LPP: variants seen among roughly 807,000 people sequenced by gnomAD.
The protein encoded by LPP is LIM domain containing preferred translocation partner in lipoma, also known as lipoma-preferred partner.
A neutral mutation model predicts 60.4 loss-of-function variants in LPP; 38 were observed. That is an observed-to-expected ratio of 0.63 (90% confidence interval 0.49 to 0.83). LPP has a LOEUF of 0.83. Among genes scored for constraint, LPP ranks in the 40% least tolerant of loss-of-function variants. The probability of loss-of-function intolerance (pLI) is 0.00; values close to 1 mark genes in which losing one functional copy is unlikely to be tolerated. For missense variants in LPP, 902 were observed against 783.6 expected (o/e 1.15, Z -1.80); for synonymous variants, 328 against 290.8 (o/e 1.13, Z -1.30).
At chr3:188,385,375 T>C (rs114687570) in intron 3 of LPP, among the ~76,000 whole-genome samples, 5 of 152,284 alleles carry the variant, frequency 3.3e-5, no homozygotes, top group African/African-American at 9.6e-5. Flanking sequence ...GGTTCATTTG[T>C]TCCTTCCTCG....
chr3:188,248,494 A>ATATATATATATATATATATATG (rs1371178264), intron 2 of LPP, among the ~76,000 whole-genome samples: 15 of 139,816 alleles, frequency 1.1e-4, no homozygotes, highest in African/African-American at 2.2e-4. Context: ...ATATATATAT[A>ATATATATATATATATATATATG]TATACAGTCA....
intron 9 of LPP, among the ~76,000 whole-genome samples, chr3:188,840,681 A>G (rs1052866341): frequency 5.9e-5 from 9 of 152,180 alleles, no homozygotes; most frequent in South Asian, 2.1e-4. Flanking sequence ...TTTTAATTTT[A>G]TATAGATGGG....
chr3:188,772,228 T>C (rs1428104641), intron 9 of LPP, among the ~76,000 whole-genome samples: 10 of 152,244 alleles, frequency 6.6e-5, no homozygotes, highest in Admixed American at 6.5e-4. Context: ...GACATTGATA[T>C]GGAGGTTTCT....
intron 7 of LPP, among the ~76,000 whole-genome samples, chr3:188,646,513 G>C (rs1259365564): frequency 1.3e-5 from 2 of 152,170 alleles, no homozygotes; most frequent in Admixed American, 6.5e-5. Context: ...TTTGTTATCT[G>C]TTTTACTAAT....
intron 2 of LPP, among the ~76,000 whole-genome samples, chr3:188,228,632 C>G (rs1718705403): frequency 6.6e-6 from 1 of 152,140 alleles, no homozygotes; most frequent in African/African-American, 2.4e-5. Context: ...ACTAAACAAA[C>G]AAAATCCCAA....
intron 6 of LPP, among the ~76,000 whole-genome samples, chr3:188,538,525 A>C (rs1363562100): frequency 6.6e-6 from 1 of 152,226 alleles, no homozygotes; most frequent in African/African-American, 2.4e-5. Flanking sequence ...GCTATAATAA[A>C]AAAAGACAAC....
chr3:188,418,689 A>T (rs959531232), intron 4 of LPP, among the ~76,000 whole-genome samples: 1 of 152,310 alleles, frequency 6.6e-6, no homozygotes, highest in Middle Eastern at 3.4e-3. Flanking sequence ...GCTTAAAATC[A>T]ATCTCCTGTG....
chr3:188,235,932 G>A (rs1721743658), intron 2 of LPP, among the ~76,000 whole-genome samples: 2 of 151,704 alleles, frequency 1.3e-5, no homozygotes, highest in South Asian at 4.2e-4. Flanking sequence ...CTCCTTGAGG[G>A]CATGAATTAT....
chr3:188,803,001 A>T (rs1747768292), intron 9 of LPP, among the ~76,000 whole-genome samples: 2 of 151,358 alleles, frequency 1.3e-5, no homozygotes, highest in African/African-American at 2.4e-5. Context: ...ATCCTGACTT[A>T]TAATAATACT....
chr3:188,653,604 A>C (rs1441217826), intron 7 of LPP, among the ~76,000 whole-genome samples: 2 of 152,172 alleles, frequency 1.3e-5, no homozygotes, highest in Admixed American at 6.5e-5. Context: ...GAAAGTCTGC[A>C]AAAATATTTT....
At chr3:188,245,129 T>C (rs1726430184) in intron 2 of LPP, among the ~76,000 whole-genome samples, 1 of 152,120 alleles carries the variant, frequency 6.6e-6, no homozygotes, top group Admixed American at 6.5e-5. Context: ...TTTTTTTCTT[T>C]TGAAACAGAG....
At chr3:188,597,363 G>A (rs113325114) in intron 6 of LPP, among the ~76,000 whole-genome samples, 41 of 152,172 alleles carry the variant, frequency 2.7e-4, no homozygotes, top group African/African-American at 9.9e-4. Flanking sequence ...TTTAATTTCT[G>A]CCACTGATAC....
Position 188,282,025 on chromosome 3 carries a change from TG to T in LPP, c.-67+56499del, listed in dbSNP as rs532604552. On this transcript the variant is annotated intron_variant, in intron 2 of 11. Coordinates refer to ENST00000617246, the MANE Select transcript of LPP (RefSeq NM_001375462.1). ...TTGGGAGACGTTTCTTCCCTTTTTT[TG>T]TGTCTTTCTACCTTGTCCTTCTCCT... 2.0e-4 allele frequency among the ~76,000 whole-genome samples: 30 copies of T among 152,204 alleles called. No homozygotes were observed. In the South Asian group the frequency reaches 5.6e-3, roughly 28 times the overall value.
At chr3:188,498,857 T>C (rs2149839494) in intron 5 of LPP, among the ~76,000 whole-genome samples, 1 of 152,280 alleles carries the variant, frequency 6.6e-6, no homozygotes, top group East Asian at 1.9e-4. Flanking sequence ...GGGTGCAGAG[T>C]GATAGCTCAT....
intron 6 of LPP, among the ~76,000 whole-genome samples, chr3:188,593,402 T>C (rs1337512327): frequency 6.6e-6 from 1 of 152,184 alleles, no homozygotes; most frequent in Non-Finnish European, 1.5e-5. Flanking sequence ...CATACTTTAA[T>C]ATATTCATTC....
intron 6 of LPP, among the ~76,000 whole-genome samples, chr3:188,594,096 T>C (rs1839510961): frequency 6.6e-6 from 1 of 152,132 alleles, no homozygotes; most frequent in African/African-American, 2.4e-5. Context: ...ATGGCCCCCT[T>C]CCTGAGTTAT....
intron 1 of LPP, among the ~76,000 whole-genome samples, chr3:188,162,776 G>A (rs1317180667): frequency 6.6e-6 from 1 of 152,128 alleles, no homozygotes; most frequent in Non-Finnish European, 1.5e-5. Flanking sequence ...ACATGTGTCC[G>A]ATTCTGGGTG....
intron 6 of LPP, among the ~76,000 whole-genome samples, chr3:188,600,069 A>G (rs1370237101): frequency 1.3e-5 from 2 of 151,726 alleles, no homozygotes; most frequent in South Asian, 4.1e-4. Context: ...ACCTTTTAAA[A>G]TACATTGAAA....
intron 9 of LPP, among the ~76,000 whole-genome samples, chr3:188,862,718 AAT>A (rs72133868): frequency 0.17 from 17,393 of 99,840 alleles, 2,268 homozygotes; most frequent in Non-Finnish European, 0.24. Context: ...TAGACAAAAA[AAT>A]AAATAAATAA....
Sources: gnomAD v4.1 joint callset for allele counts (sites outside exome capture counted in the v4.1 genomes callset) on GRCh38, gnomAD v4.1.1 for gene constraint, MANE v1.5 for transcripts, NCBI Gene and HGNC (gene_info 2026-07-23, HGNC 2026-07-21) for gene names.